RASGEF1A: variants seen among roughly 807,000 people sequenced by gnomAD.
RASGEF1A encodes the protein ras-GEF domain-containing family member 1A.
In RASGEF1A, 18 loss-of-function variants were observed where a neutral mutation model predicts 56.4. The ratio of observed to expected loss-of-function variants is 0.32; its 90% CI spans 0.22 to 0.47. The LOEUF is 0.47. Ranked by LOEUF, RASGEF1A falls within the 20% of genes least tolerant of loss-of-function variation. The pLI is 1.00. For synonymous variants in RASGEF1A, 245 were observed against 242.6 expected, an observed-to-expected ratio of 1.01 and a Z score of -0.09; for missense variants, 422 against 627.1, an observed-to-expected ratio of 0.67 and a Z score of 3.49.
At chr10:43,199,242 G>T in intron 7 of RASGEF1A, 48 bp from the exon 8 acceptor site, 1 of 1,464,534 alleles carries the variant, frequency 6.8e-7, no homozygotes, top group Non-Finnish European at 9.4e-7. Flanking sequence ...GGGGACAGCA[G>T]GAGCTGGGGC....
At chr10:43,249,552 C>T (rs1588950448) in intron 1 of RASGEF1A, among the ~76,000 whole-genome samples, 1 of 152,230 alleles carries the variant, frequency 6.6e-6, no homozygotes, top group Non-Finnish European at 1.5e-5. Flanking sequence ...TGGCTCTGCT[C>T]CCCCAGGCAC....
intron 1 of RASGEF1A, among the ~76,000 whole-genome samples, chr10:43,261,444 T>C (rs1005363146): frequency 6.6e-6 from 1 of 152,188 alleles, no homozygotes; most frequent in Admixed American, 6.5e-5. Context: ...CTCTCCCAGG[T>C]GCCACCAATG....
intron 1 of RASGEF1A, among the ~76,000 whole-genome samples, chr10:43,209,817 G>A (rs111669406): frequency 0.011 from 1,741 of 152,292 alleles, 12 homozygotes; most frequent in Middle Eastern, 0.044. Flanking sequence ...TGACCCCAGA[G>A]AGCCAGACCC....
At position 43,200,902 on chromosome 10, in the gene RASGEF1A, G is replaced by T; in HGVS notation, c.460-14C>A. On this transcript the variant is annotated splice_polypyrimidine_tract_variant and intron_variant, in intron 4 of 12. Transcript: ENST00000395810. ...TGTGCCATTCTCCTGTGGGGTCAAG[G>T]GCAATAAGGGTGCCAGCATGGGCTG... 5 of 1,607,350 alleles carry T rather than the reference G, an allele frequency of 3.1e-6. No individual in the cohort carries two copies. The highest frequency in any genetic ancestry group is 4.3e-6 in the Non-Finnish European group (5 of 1,174,470).
intron 2 of RASGEF1A, chr10:43,203,893 G>C (rs1839953898): frequency 3.4e-6 from 2 of 592,234 alleles, no homozygotes; most frequent in African/African-American, 4.1e-5. Context: ...GATCCATGGG[G>C]CGGGGCCTCA....
intron 1 of RASGEF1A, among the ~76,000 whole-genome samples, chr10:43,254,353 G>A (rs1386018773): frequency 6.6e-6 from 1 of 152,224 alleles, no homozygotes; most frequent in East Asian, 1.9e-4. Flanking sequence ...TGCCCCCTTA[G>A]ATCTGTGTGG....
Position 43,206,926 on chromosome 10 carries a change from G to A in RASGEF1A, c.-6-804C>T, listed in dbSNP as rs561340255. ...AGCAGCTGGGCCTCCTGGAGGCCTCGGTGCCCACACTGGGACTGTCCTCCA... is the reference window on the plus strand; with the variant it reads ...AGCAGCTGGGCCTCCTGGAGGCCTCAGTGCCCACACTGGGACTGTCCTCCA... On this transcript the variant is annotated intron_variant, in intron 1 of 12. Transcript: ENST00000395810. The A allele has an allele frequency of 2.2e-5, 22 of 985,572 alleles. 1 individual carries two copies. The South Asian group carries it at 8.9e-4, about 40-fold the overall frequency. The allele number at this position is 985,572 out of a possible 1,614,324, so 61.1% of individuals were successfully genotyped here.
At chr10:43,208,004 A>G (rs866662022) in intron 1 of RASGEF1A, 1 of 966,868 alleles carries the variant, frequency 1.0e-6, no homozygotes, top group South Asian at 4.8e-5. Context: ...TCACCTGTGT[A>G]TCCTATCGCT....
At position 43,257,273 on chromosome 10, in the gene RASGEF1A, C is replaced by G. The variant is rs546284423; in HGVS notation, c.-7+9572G>C. ...TTATCAGCACCAGCAGGACTCTTGA[C>G]CCCTCCAAGCCTCGCTGACACACTG... On this transcript the variant is annotated intron_variant, in intron 1 of 12. Transcript: ENST00000395810. 2.4e-3 allele frequency among the ~76,000 whole-genome samples: 361 copies of G among 152,366 alleles called. 2 individuals are homozygous for G. The highest frequency in any genetic ancestry group is 8.2e-3 in the African/African-American group (339 of 41,590).
chr10:43,196,348 C>G lies in RASGEF1A; in HGVS notation c.1422-80G>C. Reference sequence around the variant, plus strand: ...AAGCCATCCTCAGCCTCCCACCAAACATGCACCAGGGACCCTGGACCAGGG... The same window carrying G: ...AAGCCATCCTCAGCCTCCCACCAAAGATGCACCAGGGACCCTGGACCAGGG... On this transcript the variant is annotated intron_variant, in intron 12 of 12. Transcript: ENST00000395810. The surrounding 1 kb of genome is among the most constrained non-coding windows in gnomAD (Gnocchi z 4.6). The G allele has an allele frequency of 6.3e-7, 1 of 1,583,426 alleles. No individual in the cohort carries two copies. Among genetic ancestry groups the G allele is most frequent in the Non-Finnish European group, 8.7e-7 (1 of 1,153,670 alleles).
chr10:43,229,640 G>A (rs994513980), intron 1 of RASGEF1A: 13 of 1,494,616 alleles, frequency 8.7e-6, no homozygotes, highest in African/African-American at 7.3e-5. Flanking sequence ...GCCCTACCTG[G>A]GGCTCCAGGA....
intron 1 of RASGEF1A, among the ~76,000 whole-genome samples, chr10:43,238,392 G>A (rs1244708468): frequency 6.6e-6 from 1 of 152,216 alleles, no homozygotes; most frequent in Non-Finnish European, 1.5e-5. Context: ...CTACCCTTGA[G>A]CTGCTCAGTG....
At chr10:43,208,334 G>T (rs149412764) in intron 1 of RASGEF1A, 1 of 985,834 alleles carries the variant, frequency 1.0e-6, no homozygotes, top group African/African-American at 1.7e-5. Context: ...CACAAACTCA[G>T]CCCCAGCCGA....
chr10:43,259,926 C>A lies in RASGEF1A; in HGVS notation c.-7+6919G>T, dbSNP rs144611947. On this transcript the variant is annotated intron_variant, in intron 1 of 12. Coordinates refer to ENST00000395810, the MANE Select transcript of RASGEF1A (RefSeq NM_145313.4). ...GCTGGACGGAGGGGCAGGGCGGGGA[C>A]GGCAGGAAGGCTCGGAGAGATGAAG... Among the ~76,000 whole-genome samples, 271 of 152,154 alleles carry A rather than the reference C, an allele frequency of 1.8e-3. 3 individuals are homozygous for A. The highest frequency in any genetic ancestry group is 5.9e-3 in the African/African-American group (247 of 41,514).
Position 43,207,443 on chromosome 10 carries a change from C to G in RASGEF1A, c.-6-1321G>C, listed in dbSNP as rs78991010. On this transcript the variant is annotated intron_variant, in intron 1 of 12. Coordinates refer to ENST00000395810, the MANE Select transcript of RASGEF1A (RefSeq NM_145313.4). ...ACACACACACACACACACACACACA[C>G]AGCACGTCCCTGTCCCTCCCACCAG... The G allele has an allele frequency of 1.9e-4, 183 of 977,120 alleles. 1 individual carries two copies. In the East Asian group the frequency reaches 0.016, roughly 83 times the overall value. 60.5% of individuals were successfully genotyped at this position (977,120 alleles called of 1,614,324 possible).
At chr10:43,203,013 T>G (rs1310007641) in intron 3 of RASGEF1A, among the ~76,000 whole-genome samples, 1 of 51,516 alleles carries the variant, frequency 1.9e-5, no homozygotes. Context: ...CGCCCCCTGG[T>G]CCCACCCTGG....
At chr10:43,222,548 G>A (rs545874369) in intron 1 of RASGEF1A, among the ~76,000 whole-genome samples, 6 of 152,360 alleles carry the variant, frequency 3.9e-5, no homozygotes, top group African/African-American at 1.2e-4. Flanking sequence ...AGGCAAGCAG[G>A]TGGAGGGCCC....
At chr10:43,217,701 G>A (rs923774259) in intron 1 of RASGEF1A, among the ~76,000 whole-genome samples, 3 of 152,176 alleles carry the variant, frequency 2.0e-5, no homozygotes, top group Non-Finnish European at 2.9e-5. Context: ...CTCTGACTCT[G>A]CCCAGGTTGG....
rs1839771366 is a variant in RASGEF1A, at chr10:43,194,718, G to A, written c.*1526C>T. 6.6e-6 allele frequency: 1 copy of A among 152,362 alleles called. No homozygotes were observed. The highest frequency in any genetic ancestry group is 2.4e-5 in the African/African-American group (1 of 41,456). The allele number at this position is 152,362 out of a possible 1,614,324, so 9.4% of individuals were successfully genotyped here. ...ACTGTTTCAAGTAGGTACTAGAACT[G>A]ATCACCCGTGAAGTGCACGTGGGTG... On this transcript the variant is annotated 3_prime_UTR_variant, in exon 13 of 13. Coordinates refer to ENST00000395810, the MANE Select transcript of RASGEF1A (RefSeq NM_145313.4).
Sources: gnomAD v4.1 joint callset for allele counts (sites outside exome capture counted in the v4.1 genomes callset) on GRCh38, gnomAD v4.1.1 for gene constraint, Gnocchi (gnomAD v3.1) non-coding constraint, MANE v1.5 for transcripts, NCBI Gene and HGNC (gene_info 2026-07-23, HGNC 2026-07-21) for gene names.